SCN7A: variants seen among roughly 807,000 people sequenced by gnomAD.
The protein encoded by SCN7A is sodium channel protein type 7 subunit alpha.
In SCN7A, 138 loss-of-function variants were observed where a neutral mutation model predicts 155.2. The observed-to-expected ratio is 0.89, with a 90% CI of 0.77 to 1.02. SCN7A has a LOEUF of 1.02. Ranked by LOEUF, SCN7A falls within the 50% of genes least tolerant of loss-of-function variation. The pLI is 0.00. For synonymous variants in SCN7A, 693 were observed against 649.0 expected, an observed-to-expected ratio of 1.07 and a Z score of -1.03; for missense variants, 2,058 against 1,986.6, an observed-to-expected ratio of 1.04 and a Z score of -0.68.
At chr2:166,453,602 TA>T (rs928480838) in intron 11 of SCN7A, among the ~76,000 whole-genome samples, 1 of 152,306 alleles carries the variant, frequency 6.6e-6, no homozygotes, top group African/African-American at 2.4e-5. Flanking sequence ...ATTTTACAGA[TA>T]AAAAAGTTGA....
At position 166,465,785 on chromosome 2, in the gene SCN7A, A is replaced by C. The variant is rs1297709299; in HGVS notation, c.867T>G (p.Ile289Met). The C allele has an allele frequency of 3.1e-6, 5 of 1,613,732 alleles. No individual in the cohort carries two copies. Among genetic ancestry groups the C allele is most frequent in the Middle Eastern group, 1.7e-4 (1 of 6,044 alleles). Residue 289 changes from isoleucine to methionine, a missense_variant, in exon 8 of 26, where the codon ATT (isoleucine) becomes ATG (methionine). Coordinates refer to ENST00000643258, the MANE Select transcript of SCN7A (RefSeq NM_002976.4). Reference sequence around the variant, plus strand: ...ACATGGCAAGGTGATTCTTACCTCGAATATAATATGGGTTTCCAGTTCTGT... The same window carrying C: ...ACATGGCAAGGTGATTCTTACCTCGCATATAATATGGGTTTCCAGTTCTGT... ...LHNRTGNPYY[I>M]RETENFYYLE...
At position 166,441,442 on chromosome 2, in the gene SCN7A, C is replaced by T. The variant is rs762383719; in HGVS notation, c.2111G>A (p.Trp704Ter). The T allele has an allele frequency of 1.1e-5, 17 of 1,610,712 alleles. No individual in the cohort carries two copies. Among genetic ancestry groups the T allele is most frequent in the Admixed American group, 3.4e-5 (2 of 59,542 alleles). ...WDCMEVAGQSWCIPFYLMVIL... is the reference protein window; with the variant it reads ...WDCMEVAGQS ...GACCATCAGGTAAAAAGGAATACAC[C>T]AGGATTGGCCTGCAACCTCCATACA... Residue 704 changes from tryptophan (W) to a stop codon, truncating the protein, a stop_gained, in exon 15 of 26, where the codon TGG becomes TAG. Transcript: ENST00000643258. LOFTEE classifies it high-confidence loss of function.
At chr2:166,406,736 T>C in intron 25 of SCN7A, 90 bp from the exon 26 acceptor site, 1 of 887,270 alleles carries the variant, frequency 1.1e-6, no homozygotes. Context: ...TAATTGTTTT[T>C]CCCTGTTTTA....
At position 166,447,716 on chromosome 2, in the gene SCN7A, G is replaced by C; in HGVS notation, c.1291-8C>G. 3 of 1,592,974 alleles carry C rather than the reference G, an allele frequency of 1.9e-6. No homozygotes were observed. Among genetic ancestry groups the C allele is most frequent in the Non-Finnish European group, 2.6e-6 (3 of 1,161,392 alleles). On this transcript the variant is annotated splice_region_variant and splice_polypyrimidine_tract_variant and intron_variant, in intron 11 of 25. Transcript: ENST00000643258. ...TATTTGTATGGTCTTGGCCTGAAAA[G>C]GAATTTGATGGTTTAATACTGGCTT...
At chr2:166,439,358 T>C (rs917613554) in intron 15 of SCN7A, among the ~76,000 whole-genome samples, 5 of 151,960 alleles carry the variant, frequency 3.3e-5, no homozygotes, top group African/African-American at 1.2e-4. Context: ...AATGAGATAA[T>C]AGGAAAAATC....
At chr2:166,462,088 C>CAA (rs71031248) in intron 10 of SCN7A, 917 of 68,098 alleles carry the variant, frequency 0.013, 23 homozygotes, top group African/African-American at 0.049. Flanking sequence ...GACTCCGTCT[C>CAA]AAAAAAAAAA....
intron 25 of SCN7A, among the ~76,000 whole-genome samples, chr2:166,408,711 T>C (rs1049838261): frequency 1.2e-4 from 18 of 152,012 alleles, no homozygotes; most frequent in African/African-American, 3.9e-4. Flanking sequence ...GAGTGAATAT[T>C]TGGAAGCAGA....
At chr2:166,470,576 A>C (rs1702631415) in intron 7 of SCN7A, 39 bp downstream of exon 7, 1 of 1,542,504 alleles carries the variant, frequency 6.5e-7, no homozygotes, top group African/African-American at 1.4e-5. Flanking sequence ...GCAGTACATA[A>C]AACAAAATGA....
intron 14 of SCN7A, 75 bp downstream of exon 14, chr2:166,443,428 G>C: frequency 2.3e-6 from 3 of 1,277,202 alleles, no homozygotes; most frequent in Admixed American, 5.1e-5. Flanking sequence ...AGGTATTACT[G>C]TAACCCCATT....
intron 14 of SCN7A, among the ~76,000 whole-genome samples, chr2:166,443,257 C>A (rs1701997009): frequency 1.3e-5 from 2 of 152,184 alleles, no homozygotes; most frequent in South Asian, 2.1e-4. Context: ...TACCCTGACC[C>A]TGCTTCCTAA....
At chr2:166,421,656 C>A (rs1325863537) in intron 19 of SCN7A, among the ~76,000 whole-genome samples, 1 of 151,794 alleles carries the variant, frequency 6.6e-6, no homozygotes, top group Non-Finnish European at 1.5e-5. Flanking sequence ...ATACAGTAAT[C>A]ATATGCAGTA....
chr2:166,405,812 G>T lies in SCN7A; in HGVS notation c.4817C>A (p.Ala1606Asp), dbSNP rs1382438033. 6.2e-7 allele frequency: 1 copy of T among 1,612,952 alleles called. No individual in the cohort carries two copies. The highest frequency in any genetic ancestry group is 8.5e-7 in the Non-Finnish European group (1 of 1,179,308). ...CTCACATGTGATCTTAAAAGGGTTG[G>T]CTAACAAAAACCCTGATTCTATTTC... Reference protein sequence around the residue: ...VSEIESGFLLANPFKITCEPI... With the variant: ...VSEIESGFLLDNPFKITCEPI... The change falls in exon 26 of 26, where the codon GCC becomes GAC. Residue 1606 changes from alanine to aspartate, a missense_variant. Coordinates refer to ENST00000643258, the MANE Select transcript of SCN7A (RefSeq NM_002976.4).
At position 166,411,779 on chromosome 2, in the gene SCN7A, G is replaced by A. The variant is rs80270110; in HGVS notation, c.3606+751C>T. ...AGGCATCCACTGGAGGTCTTGGAAC[G>A]CAGTCCCCTTGGATAAGGAGAGTCT... On this transcript the variant is annotated intron_variant, in intron 23 of 25. Transcript: ENST00000643258. 5.1e-3 allele frequency among the ~76,000 whole-genome samples: 776 copies of A among 152,078 alleles called. 39 individuals are homozygous for A. The East Asian group carries it at 0.11, about 22-fold the overall frequency.
At chr2:166,423,183 T>A (rs1474384563) in intron 19 of SCN7A, 76 bp downstream of exon 19, 12 of 1,402,270 alleles carry the variant, frequency 8.6e-6, no homozygotes, top group Non-Finnish European at 1.2e-5. Flanking sequence ...TATAACAAAC[T>A]GACAGGAAGT....
intron 20 of SCN7A, among the ~76,000 whole-genome samples, chr2:166,417,900 G>T (rs1701414022): frequency 6.6e-6 from 1 of 151,516 alleles, no homozygotes; most frequent in South Asian, 2.1e-4. Flanking sequence ...AAGCTTGGGA[G>T]ATGAATCTGC....
intron 11 of SCN7A, among the ~76,000 whole-genome samples, chr2:166,448,039 T>G (rs1026415869): frequency 1.3e-5 from 2 of 152,180 alleles, no homozygotes; most frequent in African/African-American, 4.8e-5. Context: ...ACTATACTAT[T>G]GAACACTAGA....
intron 3 of SCN7A, among the ~76,000 whole-genome samples, chr2:166,476,935 A>G (rs889315921): frequency 6.6e-6 from 1 of 151,946 alleles, no homozygotes; most frequent in Non-Finnish European, 1.5e-5. Flanking sequence ...AATTATTTTT[A>G]TATTTAGCAT....
chr2:166,429,648 T>C (rs1173350405), intron 16 of SCN7A, among the ~76,000 whole-genome samples: 1 of 151,998 alleles, frequency 6.6e-6, no homozygotes, highest in Admixed American at 6.6e-5. Context: ...ATTAGATGAG[T>C]AGAATCAGAA....
intron 23 of SCN7A, among the ~76,000 whole-genome samples, chr2:166,411,711 T>C (rs748157309): frequency 1.3e-5 from 2 of 152,004 alleles, no homozygotes; most frequent in Non-Finnish European, 2.9e-5. Context: ...AACAGAAACG[T>C]TCTGATTTAC....
Sources: allele counts gnomAD v4.1 joint callset (sites outside exome capture counted in the v4.1 genomes callset), GRCh38; gene constraint gnomAD v4.1.1; transcripts MANE v1.5; gene names NCBI Gene and HGNC (gene_info 2026-07-23, HGNC 2026-07-21).